Variants in CCAR1 observed in about 807,000 individuals in gnomAD.
CCAR1 encodes the protein cell division cycle and apoptosis regulator protein 1.
CCAR1 carries 78 observed loss-of-function variants against 163.8 expected under a neutral mutation model. The observed-to-expected ratio is 0.48, with a 90% CI of 0.40 to 0.57. CCAR1 has a LOEUF of 0.57. CCAR1 is among the 20% of genes least tolerant of loss of function. CCAR1 has a pLI of 0.00. For missense variants in CCAR1, 1,019 were observed against 1,365.2 expected (o/e 0.75, Z 4.00); for synonymous variants, 443 against 460.7 (o/e 0.96, Z 0.49).
At position 68,725,707 on chromosome 10, in the gene CCAR1, C is replaced by T. The variant is rs957901350; in HGVS notation, c.73+3130C>T. On this transcript the variant is annotated intron_variant, in intron 2 of 24. Coordinates refer to ENST00000265872, the MANE Select transcript of CCAR1 (RefSeq NM_018237.4). ...ATCTCTTACTCTTTGCTGCATTTTA[C>T]TTGCTTAAAATATCTTTTTTAATTC... Among the ~76,000 whole-genome samples the T allele has an allele frequency of 3.9e-5, 6 of 152,074 alleles. No homozygotes were observed. In the South Asian group the frequency reaches 1.2e-3, roughly 31 times the overall value.
At position 68,742,494 on chromosome 10, in the gene CCAR1, G is replaced by A; in HGVS notation, c.443G>A (p.Arg148His). The change falls in exon 6 of 25, where the codon CGT becomes CAT. Residue 148 changes from arginine to histidine, a missense_variant. Coordinates refer to ENST00000265872, the MANE Select transcript of CCAR1 (RefSeq NM_018237.4). ...SQQQTQPQKQ[R>H]VFTGVVTKLH... Reference sequence around the variant, plus strand: ...CAGCAAACCCAGCCTCAGAAGCAGCGTGTTTTCACAGGGGTGGTTACAAAA... The same window carrying A: ...CAGCAAACCCAGCCTCAGAAGCAGCATGTTTTCACAGGGGTGGTTACAAAA... 4 of 1,614,142 alleles carry A rather than the reference G, an allele frequency of 2.5e-6. No individual in the cohort carries two copies. Among genetic ancestry groups the A allele is most frequent in the Non-Finnish European group, 3.4e-6 (4 of 1,179,992 alleles).
Position 68,787,781 on chromosome 10 carries a change from G to T in CCAR1, c.2881-146G>T, listed in dbSNP as rs2056811924. 1.7e-5 allele frequency: 11 copies of T among 652,506 alleles called. No homozygotes were observed. In the South Asian group the frequency reaches 2.4e-4, roughly 14 times the overall value. The allele number at this position is 652,506 out of a possible 1,614,324, so 40.4% of individuals were successfully genotyped here. ...ACCTGGGAAGTGGAGGTTGTAGTGA[G>T]TCGAGATCACACCACTGCACTCCAG... is the stretch of plus-strand genomic sequence containing the variant. On this transcript the variant is annotated intron_variant, in intron 21 of 24. Coordinates refer to ENST00000265872, the MANE Select transcript of CCAR1 (RefSeq NM_018237.4).
chr10:68,776,766 C>G (rs1473761196), intron 19 of CCAR1, among the ~76,000 whole-genome samples: 2 of 152,106 alleles, frequency 1.3e-5, no homozygotes, highest in Non-Finnish European at 2.9e-5. Flanking sequence ...CCAGGCTGGT[C>G]TTGACCTCCT....
At chr10:68,753,661 A>T (rs939965036) in intron 10 of CCAR1, among the ~76,000 whole-genome samples, 191 bp from the exon 11 acceptor site, 1 of 152,230 alleles carries the variant, frequency 6.6e-6, no homozygotes, top group Non-Finnish European at 1.5e-5. Flanking sequence ...ATTTATTCAA[A>T]GCTTTGCGTA....
rs559102354 is a variant in CCAR1 at position 68,722,772 on chromosome 10, A to G, written c.73+195A>G. 1.4e-4 allele frequency among the ~76,000 whole-genome samples: 22 copies of G among 152,104 alleles called. No individual in the cohort carries two copies. Among genetic ancestry groups the G allele is most frequent in the African/African-American group, 4.6e-4 (19 of 41,502 alleles). On this transcript the variant is annotated intron_variant, in intron 2 of 24. Coordinates refer to ENST00000265872, the MANE Select transcript of CCAR1 (RefSeq NM_018237.4). ...CCCCGTCTCTACTAAAAATACTAAAATTAGCCGGGCCTGGTGGCACGCGCC... is the reference window on the plus strand; with the variant it reads ...CCCCGTCTCTACTAAAAATACTAAAGTTAGCCGGGCCTGGTGGCACGCGCC...
chr10:68,783,537 T>C (rs1003311216), intron 19 of CCAR1, among the ~76,000 whole-genome samples: 1 of 151,954 alleles, frequency 6.6e-6, no homozygotes, highest in Non-Finnish European at 1.5e-5. Flanking sequence ...TACTCTTGAG[T>C]GCTGAGGAAG....
intron 12 of CCAR1, 107 bp from the exon 13 acceptor site, chr10:68,755,263 G>A: frequency 1.0e-6 from 1 of 962,144 alleles, no homozygotes; most frequent in Non-Finnish European, 1.7e-6. Context: ...GATACCAGAG[G>A]TAGTAAAAAT....
intron 6 of CCAR1, among the ~76,000 whole-genome samples, chr10:68,744,984 G>A (rs2056233041): frequency 6.7e-6 from 1 of 149,968 alleles, no homozygotes; most frequent in Admixed American, 6.7e-5. Context: ...CACCACTTCT[G>A]GCTATTTAAT....
At chr10:68,782,973 TG>T (rs1337512895) in intron 19 of CCAR1, among the ~76,000 whole-genome samples, 2 of 151,294 alleles carry the variant, frequency 1.3e-5, no homozygotes, top group Non-Finnish European at 2.9e-5. Context: ...CTGCAGCCCT[TG>T]GATCAGAGAG....
At chr10:68,786,078 C>T (rs967297319) in intron 19 of CCAR1, 58 bp from the exon 20 acceptor site, 5 of 1,145,260 alleles carry the variant, frequency 4.4e-6, no homozygotes, top group East Asian at 2.5e-5. Context: ...TGCCACTGTG[C>T]CCACTTGAAA....
At chr10:68,790,823 C>T (rs2056844598) in intron 24 of CCAR1, among the ~76,000 whole-genome samples, 2 of 149,910 alleles carry the variant, frequency 1.3e-5, no homozygotes, top group East Asian at 2.0e-4. Context: ...AGTAAAACCC[C>T]GTCTCTACTA....
intron 19 of CCAR1, among the ~76,000 whole-genome samples, chr10:68,779,016 T>A (rs751244620): frequency 4.6e-5 from 7 of 152,168 alleles, no homozygotes; most frequent in Non-Finnish European, 1.0e-4. Context: ...CTAATTTTTT[T>A]GTTTTTTTAT....
chr10:68,746,034 G>A (rs1002244530), intron 6 of CCAR1, among the ~76,000 whole-genome samples: 1 of 151,372 alleles, frequency 6.6e-6, no homozygotes, highest in East Asian at 2.0e-4. Flanking sequence ...GTGCAGTGGT[G>A]CAATATTGGC....
intron 6 of CCAR1, among the ~76,000 whole-genome samples, chr10:68,746,418 T>C (rs1248953619): frequency 6.6e-6 from 1 of 152,026 alleles, no homozygotes; most frequent in East Asian, 1.9e-4. Context: ...TTAGTAGAGA[T>C]GGGGTTTCAC....
intron 1 of CCAR1, 114 bp from the exon 2 acceptor site, chr10:68,722,341 G>A: frequency 1.6e-6 from 1 of 637,438 alleles, no homozygotes; most frequent in Non-Finnish European, 2.9e-6. Flanking sequence ...TGTTATTTCT[G>A]CTGAAATCTG....
intron 19 of CCAR1, among the ~76,000 whole-genome samples, 191 bp from the exon 20 acceptor site, chr10:68,785,945 T>C (rs2056790763): frequency 6.6e-6 from 1 of 150,838 alleles, no homozygotes; most frequent in South Asian, 2.1e-4. Context: ...TTTATGTTTT[T>C]GTTGTTGTTG....
At chr10:68,785,306 A>C (rs549288538) in intron 19 of CCAR1, among the ~76,000 whole-genome samples, 1 of 150,972 alleles carries the variant, frequency 6.6e-6, no homozygotes, top group East Asian at 2.0e-4. Context: ...CTGAAGCTTC[A>C]CCATCCCAGG....
chr10:68,751,300 T>G (rs1010362009), intron 10 of CCAR1, among the ~76,000 whole-genome samples: 2 of 152,088 alleles, frequency 1.3e-5, no homozygotes, highest in Non-Finnish European at 1.5e-5. Flanking sequence ...GTGCTGGGAT[T>G]ACAGGTGTGA....
chr10:68,734,051 GTTTC>G (rs761548695), intron 2 of CCAR1, among the ~76,000 whole-genome samples: 62 of 151,970 alleles, frequency 4.1e-4, no homozygotes, highest in Admixed American at 1.6e-3. Flanking sequence ...CTGGGATTTT[GTTTC>G]TTTCTTATTT....
Sources: allele counts gnomAD v4.1 joint callset (sites outside exome capture counted in the v4.1 genomes callset), GRCh38; gene constraint gnomAD v4.1.1; transcripts MANE v1.5; gene names NCBI Gene and HGNC (gene_info 2026-07-23, HGNC 2026-07-21).